Variants in IKZF2 observed in about 807,000 individuals in gnomAD.
IKZF2 encodes zinc finger protein Helios.
In IKZF2, 15 loss-of-function variants were observed where a neutral mutation model predicts 49.2. The observed-to-expected ratio is 0.30, with a 90% CI of 0.20 to 0.47. IKZF2 has a LOEUF of 0.47. IKZF2 is among the 20% of genes least tolerant of loss of function. IKZF2 has a pLI of 1.00. For synonymous variants in IKZF2, 227 were observed against 221.4 expected (o/e 1.03, Z -0.23); for missense variants, 567 against 664.6 (o/e 0.85, Z 1.61).
intron 6 of IKZF2, among the ~76,000 whole-genome samples, chr2:213,040,719 C>A: frequency 6.6e-6 from 1 of 152,002 alleles, no homozygotes. Context: ...ATATAGTAAT[C>A]AAATTTATAA....
intron 4 of IKZF2, among the ~76,000 whole-genome samples, chr2:213,085,694 T>C (rs989791915): frequency 2.6e-5 from 4 of 152,138 alleles, no homozygotes; most frequent in African/African-American, 9.7e-5. Flanking sequence ...ACATAATCTG[T>C]AGAATGAAGG....
At chr2:213,096,984 GTTAA>G (rs1559269278) in intron 4 of IKZF2, among the ~76,000 whole-genome samples, 2 of 151,666 alleles carry the variant, frequency 1.3e-5, no homozygotes, top group Non-Finnish European at 2.9e-5. Flanking sequence ...AATTTGTCGC[GTTAA>G]TTATTAATTC....
intron 6 of IKZF2, among the ~76,000 whole-genome samples, chr2:213,042,477 A>G (rs888872725): frequency 1.3e-5 from 2 of 152,218 alleles, no homozygotes; most frequent in Non-Finnish European, 2.9e-5. Context: ...TGTAGTCACT[A>G]AGAGTCAGGT....
intron 4 of IKZF2, among the ~76,000 whole-genome samples, chr2:213,137,660 T>C (rs1340864653): frequency 6.6e-6 from 1 of 152,132 alleles, no homozygotes; most frequent in African/African-American, 2.4e-5. Flanking sequence ...AATAAGCATA[T>C]TGGCATAAGT....
intron 6 of IKZF2, 138 bp from the exon 7 acceptor site, chr2:213,022,268 T>G (rs933708399): frequency 7.7e-6 from 6 of 776,462 alleles, no homozygotes; most frequent in Non-Finnish European, 1.1e-5. Flanking sequence ...TACATTCCAA[T>G]TTTGGTAAGA....
intron 4 of IKZF2, among the ~76,000 whole-genome samples, chr2:213,088,454 A>G (rs886688253): frequency 3.3e-5 from 5 of 152,178 alleles, no homozygotes; most frequent in African/African-American, 4.8e-5. Flanking sequence ...ATATTTAAAA[A>G]CAGCTTTAAA....
At chr2:213,058,406 C>T (rs978214231) in intron 4 of IKZF2, among the ~76,000 whole-genome samples, 3 of 151,986 alleles carry the variant, frequency 2.0e-5, no homozygotes, top group African/African-American at 7.2e-5. Context: ...GATAATGGTA[C>T]CGACTTCCTA....
At chr2:213,067,268 C>A (rs1254398985) in intron 4 of IKZF2, among the ~76,000 whole-genome samples, 1 of 152,054 alleles carries the variant, frequency 6.6e-6, no homozygotes. Context: ...CAACATCAAA[C>A]AAACATAAAT....
chr2:213,123,414 A>T (rs1268742049), intron 4 of IKZF2, among the ~76,000 whole-genome samples: 1 of 152,222 alleles, frequency 6.6e-6, no homozygotes, highest in East Asian at 1.9e-4. Context: ...TGTTTCCAAA[A>T]TAGGCATAGT....
chr2:213,124,240 T>TCGCGCGCGCGCG (rs143337769), intron 4 of IKZF2, among the ~76,000 whole-genome samples: 1 of 118,344 alleles, frequency 8.4e-6, no homozygotes, highest in Admixed American at 8.2e-5. Context: ...ACACATGCGC[T>TCGCGCGCGCGCG]CGCGCGCGCG....
intron 4 of IKZF2, among the ~76,000 whole-genome samples, chr2:213,117,891 T>C (rs1381480474): frequency 6.6e-6 from 1 of 152,232 alleles, no homozygotes; most frequent in Non-Finnish European, 1.5e-5. Context: ...GTGTTTCAAG[T>C]GAAAAGGACA....
chr2:213,104,938 AT>A (rs962945874), intron 4 of IKZF2, among the ~76,000 whole-genome samples: 1 of 152,166 alleles, frequency 6.6e-6, no homozygotes, highest in African/African-American at 2.4e-5. Context: ...GGGCCAACCC[AT>A]TTATAACTAC....
intron 4 of IKZF2, among the ~76,000 whole-genome samples, chr2:213,116,378 G>C (rs2059874973): frequency 6.6e-6 from 1 of 152,186 alleles, no homozygotes; most frequent in Non-Finnish European, 1.5e-5. Context: ...ACTTTGAGTT[G>C]CTAAGTGAAT....
At chr2:213,043,880 T>G (rs1699896207) in intron 6 of IKZF2, among the ~76,000 whole-genome samples, 1 of 152,224 alleles carries the variant, frequency 6.6e-6, no homozygotes, top group Non-Finnish European at 1.5e-5. Flanking sequence ...GCCAGGAGGT[T>G]GAGGACCCCT....
At chr2:213,058,602 T>A (rs560962303) in intron 4 of IKZF2, among the ~76,000 whole-genome samples, 1 of 152,044 alleles carries the variant, frequency 6.6e-6, no homozygotes, top group Non-Finnish European at 1.5e-5. Flanking sequence ...GTACCAACTA[T>A]ATTGAGTTTT....
At chr2:213,095,786 T>C (rs886700694) in intron 4 of IKZF2, among the ~76,000 whole-genome samples, 1 of 152,034 alleles carries the variant, frequency 6.6e-6, no homozygotes, top group Non-Finnish European at 1.5e-5. Context: ...AAAAATAAGT[T>C]ATTGTTAAGT....
intron 4 of IKZF2, among the ~76,000 whole-genome samples, chr2:213,059,878 T>C (rs191597655): frequency 6.6e-6 from 1 of 151,514 alleles, no homozygotes; most frequent in Non-Finnish European, 1.5e-5. Flanking sequence ...AAAATGTATA[T>C]TTTGCTAAAA....
At chr2:213,018,331 TA>T (rs530499662) in intron 7 of IKZF2, among the ~76,000 whole-genome samples, 28 of 152,284 alleles carry the variant, frequency 1.8e-4, no homozygotes, top group African/African-American at 6.7e-4. Flanking sequence ...TAATCTGTCA[TA>T]AAACTCAATT....
In IKZF2 at chr2:213,004,626, G is replaced by A. The variant is rs1025613767; in HGVS notation, c.*2734C>T. The stretch of plus-strand genomic sequence containing the variant: ...CTGACTCTTATGTTTATTTTTAGAT[G>A]CTACAACCTTGCGTATTTCCTTTTG... On this transcript the variant is annotated 3_prime_UTR_variant, in exon 9 of 9. Transcript: ENST00000434687. 1 of 151,908 alleles carries A rather than the reference G, an allele frequency of 6.6e-6. No individual in the cohort carries two copies. The highest frequency in any genetic ancestry group is 1.5e-5 in the Non-Finnish European group (1 of 67,890). The allele number at this position is 151,908 out of a possible 1,614,324, so 9.4% of individuals were successfully genotyped here.
Sources: gnomAD v4.1 joint callset for allele counts (sites outside exome capture counted in the v4.1 genomes callset) on GRCh38, gnomAD v4.1.1 for gene constraint, MANE v1.5 for transcripts, NCBI Gene and HGNC (gene_info 2026-07-23, HGNC 2026-07-21) for gene names.